ERC2: variants seen among roughly 807,000 people sequenced by gnomAD.
The protein encoded by ERC2 is ERC protein 2.
Under a neutral mutation model 114.8 loss-of-function variants are expected in ERC2, and 42 were observed. That is an observed-to-expected ratio of 0.37 (90% confidence interval 0.29 to 0.47). ERC2 has a LOEUF of 0.47. Among genes scored for constraint, ERC2 ranks in the 20% least tolerant of loss-of-function variants. The probability of loss-of-function intolerance (pLI) is 0.99; values close to 1 mark genes in which losing one functional copy is unlikely to be tolerated. For missense variants in ERC2, 939 were observed against 1,150.7 expected (o/e 0.82, Z 2.66); for synonymous variants, 454 against 425.5 (o/e 1.07, Z -0.82).
intron 2 of ERC2, among the ~76,000 whole-genome samples, chr3:56,361,400 G>A (rs568031516): frequency 6.6e-6 from 1 of 152,156 alleles, no homozygotes; most frequent in Admixed American, 6.5e-5. Context: ...TCAATATTTA[G>A]GATTCTGAAG....
chr3:56,019,239 A>G (rs1229810229), intron 7 of ERC2, among the ~76,000 whole-genome samples: 1 of 152,166 alleles, frequency 6.6e-6, no homozygotes, highest in African/African-American at 2.4e-5. Flanking sequence ...GATACAGAGG[A>G]GCAGAGTATC....
intron 1 of ERC2, among the ~76,000 whole-genome samples, chr3:56,439,185 C>A (rs1233122921): frequency 6.6e-6 from 1 of 152,196 alleles, no homozygotes; most frequent in Non-Finnish European, 1.5e-5. Context: ...TTGACTCCTG[C>A]TGTAATGCTA....
chr3:55,986,970 C>T (rs2070688333), intron 11 of ERC2, among the ~76,000 whole-genome samples: 1 of 151,692 alleles, frequency 6.6e-6, no homozygotes, highest in Non-Finnish European at 1.5e-5. Flanking sequence ...CCATTCCATA[C>T]TATAAAAAAG....
At chr3:55,802,153 T>C (rs1335534299) in intron 14 of ERC2, among the ~76,000 whole-genome samples, 3 of 152,248 alleles carry the variant, frequency 2.0e-5, no homozygotes, top group Admixed American at 2.0e-4. Context: ...TATCTACAAT[T>C]CATAAAAAGG....
At chr3:55,906,735 A>C (rs922242632) in intron 13 of ERC2, among the ~76,000 whole-genome samples, 60 of 152,294 alleles carry the variant, frequency 3.9e-4, no homozygotes, top group African/African-American at 1.3e-3. Flanking sequence ...AAGAGTGAGC[A>C]CCATTTTGCA....
chr3:55,903,281 T>A (rs574147940), intron 13 of ERC2, among the ~76,000 whole-genome samples: 127 of 152,346 alleles, frequency 8.3e-4, no homozygotes, highest in African/African-American at 2.8e-3. Context: ...ACCATTTTCA[T>A]TACCAATATG....
At chr3:56,175,827 T>C (rs1007579002) in intron 3 of ERC2, among the ~76,000 whole-genome samples, 3 of 152,210 alleles carry the variant, frequency 2.0e-5, no homozygotes, top group African/African-American at 7.2e-5. Context: ...TAGGAAATTA[T>C]GAGTTTTTAA....
At chr3:56,256,895 G>GCCA (rs1277137063) in intron 3 of ERC2, among the ~76,000 whole-genome samples, 2 of 152,132 alleles carry the variant, frequency 1.3e-5, no homozygotes, top group African/African-American at 2.4e-5. Flanking sequence ...CCCCAGCCAT[G>GCCA]CAGAACTGTG....
chr3:55,650,256 T>A (rs2060560598), intron 17 of ERC2, among the ~76,000 whole-genome samples: 1 of 152,058 alleles, frequency 6.6e-6, no homozygotes, highest in Admixed American at 6.6e-5. Context: ...GCAAAAAGAG[T>A]CCTCGCAAGG....
chr3:56,417,731 T>C (rs2061222870), intron 2 of ERC2, among the ~76,000 whole-genome samples: 1 of 152,158 alleles, frequency 6.6e-6, no homozygotes, highest in South Asian at 2.1e-4. Context: ...ACCACCATCA[T>C]AGAAAACAAA....
chr3:55,951,384 G>A (rs1457790372), intron 12 of ERC2, among the ~76,000 whole-genome samples: 7 of 152,148 alleles, frequency 4.6e-5, no homozygotes. Flanking sequence ...GTTAAATAAA[G>A]CTCTGGGGCT....
chr3:56,438,884 G>T lies in ERC2; in HGVS notation c.-140-3737C>A, dbSNP rs186148907. Reference sequence around the variant, plus strand: ...AATAACCAACAAACAAAGTTAGTTTGTTCCCTTTGGAAACACACACACATA... The same window carrying T: ...AATAACCAACAAACAAAGTTAGTTTTTTCCCTTTGGAAACACACACACATA... On this transcript the variant is annotated intron_variant, in intron 1 of 17. Transcript: ENST00000288221. Among the ~76,000 whole-genome samples, 378 of 152,268 alleles carry T rather than the reference G, an allele frequency of 2.5e-3. 2 individuals are homozygous for T. The highest frequency in any genetic ancestry group is 3.5e-3 in the Non-Finnish European group (237 of 68,010).
intron 6 of ERC2, among the ~76,000 whole-genome samples, chr3:56,084,894 G>A (rs1480032312): frequency 2.6e-5 from 4 of 151,492 alleles, no homozygotes; most frequent in African/African-American, 9.7e-5. Context: ...AAAAGTTCAG[G>A]GCAGCAGAGG....
chr3:55,994,268 G>A (rs1307503602), intron 10 of ERC2, among the ~76,000 whole-genome samples: 3 of 152,084 alleles, frequency 2.0e-5, no homozygotes, highest in South Asian at 4.2e-4. Context: ...TTGATTGCCT[G>A]TTTCTTAGGA....
intron 17 of ERC2, among the ~76,000 whole-genome samples, chr3:55,594,344 G>GAA (rs887121627): frequency 6.6e-6 from 1 of 152,132 alleles, no homozygotes; most frequent in African/African-American, 2.4e-5. Context: ...ATCTAGGCCT[G>GAA]AAAACACAAT....
intron 2 of ERC2, among the ~76,000 whole-genome samples, chr3:56,349,083 G>A (rs555870963): frequency 6.3e-4 from 96 of 152,246 alleles, no homozygotes; most frequent in Non-Finnish European, 1.3e-3. Flanking sequence ...GAAGAAAATA[G>A]CTCTCTAAAG....
At chr3:56,029,174 T>C (rs1283269900) in intron 7 of ERC2, among the ~76,000 whole-genome samples, 1 of 152,120 alleles carries the variant, frequency 6.6e-6, no homozygotes, top group Non-Finnish European at 1.5e-5. Context: ...TTATTCTTTT[T>C]AAACATTTTT....
intron 17 of ERC2, among the ~76,000 whole-genome samples, chr3:55,588,674 G>A (rs996959220): frequency 5.3e-5 from 8 of 152,112 alleles, no homozygotes; most frequent in African/African-American, 1.9e-4. Flanking sequence ...AACTGATCCC[G>A]AGACAGAGAC....
chr3:56,202,023 T>G (rs776356810), intron 3 of ERC2, among the ~76,000 whole-genome samples: 12 of 152,188 alleles, frequency 7.9e-5, no homozygotes, highest in African/African-American at 1.7e-4. Flanking sequence ...TGAATCAAAA[T>G]AGTCATCAGT....
Sources: gnomAD v4.1 joint callset for allele counts (sites outside exome capture counted in the v4.1 genomes callset) on GRCh38, gnomAD v4.1.1 for gene constraint, MANE v1.5 for transcripts, NCBI Gene and HGNC (gene_info 2026-07-23, HGNC 2026-07-21) for gene names.